Variants in SMARCC1 observed in about 807,000 individuals in gnomAD.
SMARCC1 encodes SWI/SNF complex subunit SMARCC1.
Under a neutral mutation model 147.4 loss-of-function variants are expected in SMARCC1, and 43 were observed. That is an observed-to-expected ratio of 0.29 (90% CI 0.23 to 0.38). The LOEUF is 0.38. Ranked by LOEUF, SMARCC1 falls within the 10% of genes least tolerant of loss-of-function variation. The probability of loss-of-function intolerance (pLI) is 1.00; values close to 1 mark genes in which losing one functional copy is unlikely to be tolerated. For synonymous variants in SMARCC1, 495 were observed against 484.4 expected (o/e 1.02, Z -0.29); for missense variants, 1,119 against 1,381.1 (o/e 0.81, Z 3.01).
At chr3:47,626,981 A>C (rs188788484) in intron 24 of SMARCC1, among the ~76,000 whole-genome samples, 1 of 152,216 alleles carries the variant, frequency 6.6e-6, no homozygotes, top group Non-Finnish European at 1.5e-5. Context: ...TATGAAGTTA[A>C]TACTACTAAA....
At chr3:47,659,019 G>A (rs2033300689) in intron 21 of SMARCC1, among the ~76,000 whole-genome samples, 3 of 151,210 alleles carry the variant, frequency 2.0e-5, no homozygotes, top group African/African-American at 2.4e-5. Context: ...TCCAGGGGCT[G>A]AGCAGGGAGA....
At chr3:47,702,298 A>G (rs1289253416) in intron 10 of SMARCC1, among the ~76,000 whole-genome samples, 1 of 152,208 alleles carries the variant, frequency 6.6e-6, no homozygotes, top group African/African-American at 2.4e-5. Flanking sequence ...TAGGACAGAA[A>G]TCTTTACCTC....
At chr3:47,738,927 T>C (rs1354192380) in intron 3 of SMARCC1, among the ~76,000 whole-genome samples, 2 of 152,242 alleles carry the variant, frequency 1.3e-5, no homozygotes, top group Non-Finnish European at 2.9e-5. Flanking sequence ...AAGTACTGTT[T>C]TCCTAAATGT....
chr3:47,716,408 T>A (rs1576420283), intron 7 of SMARCC1, among the ~76,000 whole-genome samples: 1 of 99,384 alleles, frequency 1.0e-5, no homozygotes, highest in Non-Finnish European at 1.8e-5. Flanking sequence ...AGAGTGAGAC[T>A]CCATCTCAAA....
At chr3:47,619,164 C>A (rs961747205) in intron 25 of SMARCC1, among the ~76,000 whole-genome samples, 1 of 152,222 alleles carries the variant, frequency 6.6e-6, no homozygotes, top group Admixed American at 6.5e-5. Flanking sequence ...CCTTTCTGTT[C>A]CCATAGCAGC....
intron 26 of SMARCC1, among the ~76,000 whole-genome samples, chr3:47,596,067 AAAAAC>A (rs71098500): frequency 6.7e-6 from 1 of 150,208 alleles, no homozygotes; most frequent in African/African-American, 2.4e-5. Flanking sequence ...AAACAAAAAC[AAAAAC>A]AAAACAAAAC....
At chr3:47,758,195 C>T (rs138465986) in intron 2 of SMARCC1, among the ~76,000 whole-genome samples, 33 of 152,262 alleles carry the variant, frequency 2.2e-4, no homozygotes, top group African/African-American at 7.5e-4. Flanking sequence ...TCACTACTCA[C>T]TGCAGCCTTC....
intron 18 of SMARCC1, among the ~76,000 whole-genome samples, chr3:47,674,724 CAA>C (rs2033547982): frequency 1.3e-5 from 2 of 152,144 alleles, no homozygotes; most frequent in South Asian, 2.1e-4. Context: ...CCTGGCCTCC[CAA>C]AGTGTTGAGC....
chr3:47,680,702 T>C (rs2033634012), intron 14 of SMARCC1, among the ~76,000 whole-genome samples, 194 bp from the exon 15 acceptor site: 1 of 151,216 alleles, frequency 6.6e-6, no homozygotes, highest in Non-Finnish European at 1.5e-5. Flanking sequence ...CGCCCGCCAC[T>C]ACGCCCGGCT....
intron 20 of SMARCC1, among the ~76,000 whole-genome samples, chr3:47,661,730 C>T (rs1467964478): frequency 6.6e-6 from 1 of 151,928 alleles, no homozygotes; most frequent in Non-Finnish European, 1.5e-5. Context: ...ATCAAAACTG[C>T]TGTCCATATT....
intron 5 of SMARCC1, among the ~76,000 whole-genome samples, chr3:47,733,925 A>G (rs2034408712): frequency 6.6e-6 from 1 of 151,546 alleles, no homozygotes; most frequent in African/African-American, 2.4e-5. Context: ...GTGCTTGTAT[A>G]TACATATATA....
intron 25 of SMARCC1, among the ~76,000 whole-genome samples, chr3:47,617,988 T>C (rs1363174307): frequency 2.6e-5 from 4 of 152,158 alleles, no homozygotes; most frequent in African/African-American, 9.7e-5. Flanking sequence ...TGGCAATTTA[T>C]AACTAATACA....
intron 2 of SMARCC1, among the ~76,000 whole-genome samples, chr3:47,750,970 T>A (rs1376996389): frequency 6.6e-6 from 1 of 151,882 alleles, no homozygotes; most frequent in East Asian, 1.9e-4. Context: ...CAATCTCAGC[T>A]GACTGCAACC....
chr3:47,595,307 C>A (rs1379262448), intron 26 of SMARCC1, among the ~76,000 whole-genome samples: 1 of 152,114 alleles, frequency 6.6e-6, no homozygotes, highest in Non-Finnish European at 1.5e-5. Flanking sequence ...GCGAGATCAC[C>A]TGAGGTCAGG....
intron 25 of SMARCC1, among the ~76,000 whole-genome samples, chr3:47,613,742 A>G (rs1157203382): frequency 6.6e-6 from 1 of 152,176 alleles, no homozygotes; most frequent in Non-Finnish European, 1.5e-5. Flanking sequence ...CCAGTTTTTC[A>G]TACAAGGCTG....
chr3:47,741,220 G>A (rs2034506151), intron 3 of SMARCC1, among the ~76,000 whole-genome samples: 1 of 151,706 alleles, frequency 6.6e-6, no homozygotes. Context: ...AGAGACGGAA[G>A]AGATAGAAAA....
chr3:47,661,820 A>G (rs77348626), intron 20 of SMARCC1, among the ~76,000 whole-genome samples: 2,682 of 152,266 alleles, frequency 0.018, 88 homozygotes, highest in African/African-American at 0.061. Flanking sequence ...AAAGAGTTCT[A>G]TGATGTGACA....
chr3:47,595,963 G>C (rs1313295805), intron 26 of SMARCC1, among the ~76,000 whole-genome samples: 1 of 151,348 alleles, frequency 6.6e-6, no homozygotes, highest in South Asian at 2.1e-4. Flanking sequence ...TCAATCTCTT[G>C]ACCTCGTGAT....
chr3:47,747,019 C>T (rs1576429420), intron 2 of SMARCC1, among the ~76,000 whole-genome samples: 1 of 151,898 alleles, frequency 6.6e-6, no homozygotes, highest in South Asian at 2.1e-4. Flanking sequence ...CATGAGCCAT[C>T]GTGCCTGGCT....
Sources: allele counts gnomAD v4.1 joint callset (sites outside exome capture counted in the v4.1 genomes callset), GRCh38; gene constraint gnomAD v4.1.1; transcripts MANE v1.5; gene names NCBI Gene and HGNC (gene_info 2026-07-23, HGNC 2026-07-21).